Variants in RAPGEF5 observed in about 807,000 individuals in gnomAD.
RAPGEF5 encodes the protein M-Ras-regulated GEF.
RAPGEF5 carries 65 observed loss-of-function variants against 125.2 expected under a neutral mutation model. The observed-to-expected ratio is 0.52, with a 90% CI of 0.43 to 0.64. RAPGEF5 has a LOEUF of 0.64. Among genes scored for constraint, RAPGEF5 ranks in the 30% least tolerant of loss-of-function variants. The pLI, the probability that RAPGEF5 is intolerant of heterozygous loss-of-function variation, is 0.00. For synonymous variants in RAPGEF5, 391 were observed against 385.9 expected (o/e 1.01, Z -0.16); for missense variants, 958 against 1,048.1 (o/e 0.91, Z 1.19).
intron 17 of RAPGEF5, among the ~76,000 whole-genome samples, chr7:22,152,387 A>G (rs1161250288): frequency 6.6e-6 from 1 of 152,144 alleles, no homozygotes; most frequent in Non-Finnish European, 1.5e-5. Context: ...AATTTATGAG[A>G]GCCATTTATA....
chr7:22,132,722 C>T (rs1047642345), intron 23 of RAPGEF5, among the ~76,000 whole-genome samples: 1 of 152,202 alleles, frequency 6.6e-6, no homozygotes, highest in Non-Finnish European at 1.5e-5. Flanking sequence ...CCCTCACCTG[C>T]CCCTCACCCC....
chr7:22,229,259 T>C (rs1337930783), intron 8 of RAPGEF5, among the ~76,000 whole-genome samples: 1 of 152,140 alleles, frequency 6.6e-6, no homozygotes, highest in East Asian at 1.9e-4. Context: ...ATATGAGAGA[T>C]CTCTGGTAGA....
intron 2 of RAPGEF5, among the ~76,000 whole-genome samples, chr7:22,317,026 T>G (rs919809189): frequency 6.6e-6 from 1 of 151,616 alleles, no homozygotes; most frequent in African/African-American, 2.4e-5. Context: ...CAGAAAGTAT[T>G]ACCGAGGAAG....
At chr7:22,190,433 A>G (rs555727234) in intron 11 of RAPGEF5, among the ~76,000 whole-genome samples, 6 of 152,366 alleles carry the variant, frequency 3.9e-5, no homozygotes, top group African/African-American at 1.4e-4. Flanking sequence ...CTCATTTAAG[A>G]AAATCATTAG....
intron 5 of RAPGEF5, among the ~76,000 whole-genome samples, chr7:22,298,295 A>G (rs751498888): frequency 2.6e-5 from 4 of 151,358 alleles, no homozygotes; most frequent in Non-Finnish European, 5.9e-5. Context: ...CTCCTGCTTC[A>G]GTCTCCCGAG....
chr7:22,270,018 C>G (rs1782381272), intron 6 of RAPGEF5, among the ~76,000 whole-genome samples: 1 of 152,208 alleles, frequency 6.6e-6, no homozygotes, highest in Admixed American at 6.5e-5. Flanking sequence ...AAAACTGAGG[C>G]AGAGGGCAAG....
At chr7:22,315,520 G>T in intron 2 of RAPGEF5, 44 bp from the exon 3 acceptor site, 1 of 1,276,668 alleles carries the variant, frequency 7.8e-7, no homozygotes. Context: ...ACAATAATGT[G>T]ACAATTTGTG....
chr7:22,166,137 A>G (rs1437551323), intron 12 of RAPGEF5, among the ~76,000 whole-genome samples: 1 of 149,630 alleles, frequency 6.7e-6, no homozygotes, highest in Non-Finnish European at 1.5e-5. Flanking sequence ...TATGTTGCCC[A>G]GCTGCTCTTG....
chr7:22,305,644 C>T (rs910594865), intron 5 of RAPGEF5, among the ~76,000 whole-genome samples: 1 of 151,960 alleles, frequency 6.6e-6, no homozygotes, highest in South Asian at 2.1e-4. Flanking sequence ...AAAGAGTGGG[C>T]CTTATTCATT....
At chr7:22,261,852 CA>C (rs35816236) in intron 7 of RAPGEF5, among the ~76,000 whole-genome samples, 143,270 of 148,816 alleles carry the variant, frequency 0.96, 68,977 homozygotes, top group East Asian at 1. Flanking sequence ...ATTCATAGGC[CA>C]AAAAAAAAAA....
chr7:22,172,393 G>C (rs1010945786), intron 11 of RAPGEF5, among the ~76,000 whole-genome samples: 12 of 151,844 alleles, frequency 7.9e-5, no homozygotes, highest in Non-Finnish European at 1.5e-4. Context: ...CAAAGTTCTG[G>C]GATTGCAGGT....
intron 2 of RAPGEF5, among the ~76,000 whole-genome samples, 180 bp downstream of exon 2, chr7:22,317,807 G>A (rs918749243): frequency 6.6e-6 from 1 of 152,108 alleles, no homozygotes. Flanking sequence ...ACAATGATCA[G>A]AGCATCTCAA....
At chr7:22,147,460 A>G (rs1783480471) in intron 18 of RAPGEF5, among the ~76,000 whole-genome samples, 1 of 152,264 alleles carries the variant, frequency 6.6e-6, no homozygotes, top group Admixed American at 6.5e-5. Context: ...TTTACAGGAA[A>G]TACGTTTAGC....
chr7:22,239,171 C>A (rs1786261406), intron 7 of RAPGEF5, among the ~76,000 whole-genome samples: 1 of 152,042 alleles, frequency 6.6e-6, no homozygotes, highest in Non-Finnish European at 1.5e-5. Flanking sequence ...CCCAGGTGGG[C>A]CTGTGCTGGG....
In RAPGEF5 at chr7:22,247,631, G is replaced by A. The variant is rs1174080409; in HGVS notation, c.797-16712C>T. 2.0e-5 allele frequency among the ~76,000 whole-genome samples: 3 copies of A among 152,040 alleles called. No individual in the cohort carries two copies. The East Asian group carries it at 5.8e-4, about 29-fold the overall frequency. ...CCTCCCCATTCATGTGGAACTGTGAGTCCATTAATCCTCTTTTTCTTTATA... is the reference window on the plus strand; with the variant it reads ...CCTCCCCATTCATGTGGAACTGTGAATCCATTAATCCTCTTTTTCTTTATA... On this transcript the variant is annotated intron_variant, in intron 7 of 25. Coordinates refer to ENST00000665637, the MANE Select transcript of RAPGEF5 (RefSeq NM_012294.5).
At chr7:22,125,429 C>A in intron 25 of RAPGEF5, 175 bp downstream of exon 25, 1 of 575,984 alleles carries the variant, frequency 1.7e-6, no homozygotes, top group Non-Finnish European at 3.1e-6. Context: ...CCTCTGCATC[C>A]CCAACATGCA....
At position 22,171,610 on chromosome 7, in the gene RAPGEF5, G is replaced by A. The variant is rs935296164; in HGVS notation, c.1205-4462C>T. ...ACCTCCCAGATTCAAGTGATTCTCC[G>A]GCCTCAGCCTCCTGAGTAGTTGGGA... On this transcript the variant is annotated intron_variant, in intron 11 of 25. Coordinates refer to ENST00000665637, the MANE Select transcript of RAPGEF5 (RefSeq NM_012294.5). 5.3e-5 allele frequency among the ~76,000 whole-genome samples: 8 copies of A among 151,894 alleles called. No individual in the cohort carries two copies. In the South Asian group the frequency reaches 8.3e-4, roughly 16 times the overall value.
At chr7:22,328,585 T>C (rs762652662) in intron 1 of RAPGEF5, among the ~76,000 whole-genome samples, 4 of 152,206 alleles carry the variant, frequency 2.6e-5, no homozygotes, top group Admixed American at 6.5e-5. Flanking sequence ...TATACCTACA[T>C]ACATACCTAC....
At position 22,171,167 on chromosome 7, in the gene RAPGEF5, T is replaced by C. The variant is rs544689448; in HGVS notation, c.1205-4019A>G. ...AAAAAGAGGCTGTCCCATTGGTATT[T>C]AGAGATATTTTTAGAACCATGATGG... On this transcript the variant is annotated intron_variant, in intron 11 of 25. Transcript: ENST00000665637. 3.3e-5 allele frequency among the ~76,000 whole-genome samples: 5 copies of C among 152,306 alleles called. No individual in the cohort carries two copies. In the East Asian group the frequency reaches 9.7e-4, roughly 29 times the overall value.
Sources: allele counts gnomAD v4.1 joint callset (sites outside exome capture counted in the v4.1 genomes callset), GRCh38; gene constraint gnomAD v4.1.1; transcripts MANE v1.5; gene names NCBI Gene and HGNC (gene_info 2026-07-23, HGNC 2026-07-21).